Variants in SHANK2 observed in about 807,000 individuals in gnomAD.
SHANK2 encodes SH3 and multiple ankyrin repeat domains protein 2.
Under a neutral mutation model 133.7 loss-of-function variants are expected in SHANK2, and 43 were observed. The observed-to-expected ratio is 0.32, with a 90% CI of 0.25 to 0.41. SHANK2 has a LOEUF of 0.41. Ranked by LOEUF, SHANK2 falls within the 10% of genes least tolerant of loss-of-function variation. SHANK2 has a pLI of 1.00. For synonymous variants in SHANK2, 1,017 were observed against 952.8 expected (o/e 1.07, Z -1.24); for missense variants, 1,994 against 2,235.8 (o/e 0.89, Z 2.18).
intron 1 of SHANK2, among the ~76,000 whole-genome samples, chr11:71,240,002 T>C (rs562733736): frequency 2.2e-4 from 33 of 152,286 alleles, no homozygotes; most frequent in African/African-American, 7.9e-4. Flanking sequence ...CGTCTGAATA[T>C]CCAAGGGTCT....
chr11:71,073,919 G>A (rs917901899), intron 9 of SHANK2, among the ~76,000 whole-genome samples: 9 of 152,134 alleles, frequency 5.9e-5, no homozygotes, highest in Admixed American at 2.0e-4. Flanking sequence ...GGGGTAGATG[G>A]CTGACTCCAG....
At position 71,175,392 on chromosome 11, in the gene SHANK2, C is replaced by T. The variant is rs1423430908; in HGVS notation, c.-12-28054G>A. Among the ~76,000 whole-genome samples, 1 of 151,616 alleles carries T rather than the reference C, an allele frequency of 6.6e-6. No homozygotes were observed. The highest frequency in any genetic ancestry group is 1.9e-4 in the East Asian group (1 of 5,134). ...CTGCTGCTGGGTGGTCCTGTGGACA[C>T]CGAAGCAGGAAAGTGAGTCTGTAAA... On this transcript the variant is annotated intron_variant, in intron 2 of 25. Transcript: ENST00000601538. The surrounding 1 kb of genome is among the most constrained non-coding windows in gnomAD (Gnocchi z 4.2).
chr11:70,662,124 G>C, intron 15 of SHANK2: 1 of 375,884 alleles, frequency 2.7e-6, no homozygotes, highest in Non-Finnish European at 5.0e-6. Flanking sequence ...CATCTTCCAG[G>C]GAAGCCCGGG....
chr11:70,703,311 C>T (rs144349164), intron 14 of SHANK2, among the ~76,000 whole-genome samples: 9 of 152,376 alleles, frequency 5.9e-5, no homozygotes, highest in Non-Finnish European at 1.3e-4. Context: ...GTGGTGCAGC[C>T]TCCGGGGGTA....
intron 14 of SHANK2, among the ~76,000 whole-genome samples, chr11:70,724,089 G>A (rs987817020): frequency 6.6e-6 from 1 of 150,836 alleles, no homozygotes; most frequent in Admixed American, 6.6e-5. Flanking sequence ...AGGCTGGAGT[G>A]CAGTGGCATG....
Position 70,629,475 on chromosome 11 carries a change from C to T in SHANK2, c.2061+30353G>A, listed in dbSNP as rs538384859. 4.6e-4 allele frequency among the ~76,000 whole-genome samples: 70 copies of T among 152,286 alleles called. 1 individual carries two copies. Among genetic ancestry groups the T allele is most frequent in the African/African-American group, 1.2e-3 (50 of 41,554 alleles). ...GGACACACGGACGTCCAGCAGGTTC[C>T]GGCCTGGCGGGAGAGGGAGGTCTGG... On this transcript the variant is annotated intron_variant, in intron 17 of 25. Transcript: ENST00000601538.
chr11:70,853,900 C>T (rs73534013), intron 11 of SHANK2, among the ~76,000 whole-genome samples: 3 of 152,096 alleles, frequency 2.0e-5, no homozygotes, highest in Admixed American at 1.3e-4. Flanking sequence ...GTGTCTGAAT[C>T]CCCCCTCCTT....
At chr11:70,623,376 G>A (rs534413235) in intron 17 of SHANK2, among the ~76,000 whole-genome samples, 2 of 152,110 alleles carry the variant, frequency 1.3e-5, no homozygotes, top group East Asian at 1.9e-4. Flanking sequence ...TATGCTCCAC[G>A]CACCATTTGC....
At chr11:71,143,113 A>T (rs10792501) in intron 3 of SHANK2, among the ~76,000 whole-genome samples, 85,787 of 151,994 alleles carry the variant, frequency 0.56, 24,351 homozygotes, top group South Asian at 0.68. Flanking sequence ...CAGGCGCCTG[A>T]AATCCCAGCA....
At chr11:70,903,619 T>C (rs531025418) in intron 10 of SHANK2, among the ~76,000 whole-genome samples, 4 of 152,210 alleles carry the variant, frequency 2.6e-5, no homozygotes, top group African/African-American at 4.8e-5. Context: ...CCAGGGCTTG[T>C]CCACGAGGGG....
intron 25 of SHANK2, among the ~76,000 whole-genome samples, chr11:70,484,691 G>A (rs186336826): frequency 2.0e-5 from 3 of 152,260 alleles, no homozygotes; most frequent in South Asian, 2.1e-4. Context: ...TGTAAACCCT[G>A]CACAATACTG....
At chr11:70,717,518 C>A (rs1161400539) in intron 14 of SHANK2, among the ~76,000 whole-genome samples, 3 of 152,212 alleles carry the variant, frequency 2.0e-5, no homozygotes, top group Non-Finnish European at 2.9e-5. Flanking sequence ...AAGCAGGACA[C>A]AGTCCCCCTA....
Position 71,155,817 on chromosome 11 carries a change from A to T in SHANK2, c.-12-8479T>A, listed in dbSNP as rs116546727. On this transcript the variant is annotated intron_variant, in intron 2 of 25. Coordinates refer to ENST00000601538, the MANE Select transcript of SHANK2 (RefSeq NM_012309.5). ...CGTAGCCCCCAGGCACCAGCATGGC[A>T]TTAGACACACTGTGAGCTGAACTGT... is the stretch of plus-strand genomic sequence containing the variant. Among the ~76,000 whole-genome samples the T allele has an allele frequency of 9.2e-3, 1,403 of 151,958 alleles. 22 individuals carry two copies. Among genetic ancestry groups the T allele is most frequent in the African/African-American group, 0.032 (1,340 of 41,466 alleles).
chr11:70,767,707 A>T (rs1947152611), intron 14 of SHANK2, among the ~76,000 whole-genome samples: 1 of 150,814 alleles, frequency 6.6e-6, no homozygotes, highest in South Asian at 2.1e-4. Flanking sequence ...GGGGGGCATG[A>T]GGAGTGACTG....
chr11:70,625,057 C>T (rs1591665696), intron 17 of SHANK2, among the ~76,000 whole-genome samples: 4 of 152,160 alleles, frequency 2.6e-5, no homozygotes, highest in South Asian at 4.1e-4. Context: ...GGGAAAGACT[C>T]GTAGAACTCA....
At chr11:71,108,162 C>G (rs1169972154) in intron 6 of SHANK2, among the ~76,000 whole-genome samples, 1 of 152,222 alleles carries the variant, frequency 6.6e-6, no homozygotes, top group Admixed American at 6.5e-5. Flanking sequence ...GGTCCATTTA[C>G]CTTCACAGCC....
chr11:71,062,026 G>A (rs1294886490), intron 9 of SHANK2, among the ~76,000 whole-genome samples: 4 of 129,452 alleles, frequency 3.1e-5, no homozygotes, highest in East Asian at 4.5e-4. Flanking sequence ...GTGCAATCTC[G>A]GCTCACTGCA....
At chr11:70,614,373 T>C (rs1270792571) in intron 17 of SHANK2, among the ~76,000 whole-genome samples, 1 of 150,754 alleles carries the variant, frequency 6.6e-6, no homozygotes, top group Non-Finnish European at 1.5e-5. Context: ...TGCAGTGGCG[T>C]GATCTCAGCT....
intron 21 of SHANK2, among the ~76,000 whole-genome samples, chr11:70,498,265 T>C (rs1555157544): frequency 6.6e-6 from 1 of 152,210 alleles, no homozygotes; most frequent in Non-Finnish European, 1.5e-5. Flanking sequence ...AACACACACA[T>C]CTGCAGCGCC....
Sources: allele counts gnomAD v4.1 joint callset (sites outside exome capture counted in the v4.1 genomes callset), GRCh38; gene constraint gnomAD v4.1.1; non-coding constraint Gnocchi (gnomAD v3.1); transcripts MANE v1.5; gene names NCBI Gene and HGNC (gene_info 2026-07-23, HGNC 2026-07-21).